TOGARAM1: variants seen among roughly 807,000 people sequenced by gnomAD.
TOGARAM1 encodes TOG array regulator of axonemal microtubules protein 1.
In TOGARAM1, 100 loss-of-function variants were observed where a neutral mutation model predicts 166.6. The observed-to-expected ratio is 0.60, with a 90% CI of 0.51 to 0.71. The LOEUF is 0.71. TOGARAM1 is among the 30% of genes least tolerant of loss of function. The probability of loss-of-function intolerance (pLI) is 0.00; values close to 1 mark genes in which losing one functional copy is unlikely to be tolerated. For missense variants in TOGARAM1, 2,029 were observed against 2,102.7 expected, an observed-to-expected ratio of 0.96 and a Z score of 0.69; for synonymous variants, 758 against 763.8, an observed-to-expected ratio of 0.99 and a Z score of 0.13.
chr14:45,009,295 A>C (rs935326054), intron 6 of TOGARAM1, 150 bp downstream of exon 6: 1 of 690,866 alleles, frequency 1.4e-6, no homozygotes, highest in Non-Finnish European at 2.3e-6. Context: ...ATGTTTACAG[A>C]TATTACCTTG....
At chr14:45,062,879 T>C (rs1882960503) in intron 16 of TOGARAM1, among the ~76,000 whole-genome samples, 1 of 152,188 alleles carries the variant, frequency 6.6e-6, no homozygotes, top group Non-Finnish European at 1.5e-5. Flanking sequence ...AGTATATTCA[T>C]TGAGTTGTGT....
chr14:45,052,118 A>G (rs1009218769), intron 14 of TOGARAM1, among the ~76,000 whole-genome samples: 3 of 152,210 alleles, frequency 2.0e-5, no homozygotes, highest in Admixed American at 1.3e-4. Flanking sequence ...CAGCATCTTA[A>G]AAGAGTGTCA....
intron 1 of TOGARAM1, among the ~76,000 whole-genome samples, chr14:44,989,695 C>G (rs368435169): frequency 1.3e-5 from 2 of 152,212 alleles, no homozygotes; most frequent in Admixed American, 1.3e-4. Flanking sequence ...TAGCCTCTGC[C>G]TGTTACCCAG....
At chr14:44,977,328 G>A (rs571575210) in intron 1 of TOGARAM1, among the ~76,000 whole-genome samples, 1 of 147,642 alleles carries the variant, frequency 6.8e-6, no homozygotes, top group Non-Finnish European at 1.5e-5. Flanking sequence ...TCCACCTTCC[G>A]GGTTCACGCC....
Position 45,048,209 on chromosome 14 carries a change from G to A in TOGARAM1, c.4313+1506G>A, listed in dbSNP as rs535252055. ...TCTACTAAAAATACAAAAATTAGCC[G>A]GGCATGGCGGCATGCGCCTGTAGTT... On this transcript the variant is annotated intron_variant, in intron 14 of 19. Coordinates refer to ENST00000361462, the MANE Select transcript of TOGARAM1 (RefSeq NM_001308120.2). Among the ~76,000 whole-genome samples the A allele has an allele frequency of 9.3e-5, 14 of 151,116 alleles. 1 individual carries two copies. The East Asian group carries it at 1.8e-3, about 19-fold the overall frequency.
Position 45,045,625 on chromosome 14 carries a change from A to ATG in TOGARAM1, c.4154+757_4154+758dup, listed in dbSNP as rs1566660788. On this transcript the variant is annotated intron_variant, in intron 13 of 19. Transcript: ENST00000361462. ...TGTGTGTGTGTGTGTGTGTATATATATGTATATATATACATATATATACAT... is the reference window on the plus strand; with the variant it reads ...TGTGTGTGTGTGTGTGTGTATATATATGTGTATATATATACATATATATACAT... 3.5e-5 allele frequency among the ~76,000 whole-genome samples: 4 copies of ATG among 113,546 alleles called. 1 individual carries two copies. Among genetic ancestry groups the ATG allele is most frequent in the African/African-American group, 1.3e-4 (4 of 31,094 alleles). 74.5% of individuals were successfully genotyped at this position (113,546 alleles called of 152,430 possible).
chr14:44,988,473 T>C lies in TOGARAM1; in HGVS notation c.2047-7273T>C, dbSNP rs182176979. On this transcript the variant is annotated intron_variant, in intron 1 of 19. Transcript: ENST00000361462. ...ACAAATTTTTCTCTTTTTTATAACA[T>C]AGATAATCTAATTTTGATTAACCAG... Among the ~76,000 whole-genome samples, 4 of 152,316 alleles carry C rather than the reference T, an allele frequency of 2.6e-5. No individual in the cohort carries two copies. The East Asian group carries it at 7.7e-4, about 29-fold the overall frequency.
chr14:45,065,792 TG>T (rs1324542529), intron 16 of TOGARAM1, among the ~76,000 whole-genome samples: 4 of 152,038 alleles, frequency 2.6e-5, no homozygotes, highest in African/African-American at 9.7e-5. Context: ...CTCATAAGAG[TG>T]GTTCACTTAA....
chr14:45,034,157 A>C (rs951938970), intron 11 of TOGARAM1, among the ~76,000 whole-genome samples: 2 of 152,182 alleles, frequency 1.3e-5, no homozygotes, highest in Non-Finnish European at 1.5e-5. Flanking sequence ...ACTCCATCTC[A>C]AAAACAAAGA....
intron 1 of TOGARAM1, among the ~76,000 whole-genome samples, chr14:44,966,421 T>C (rs988027106): frequency 1.3e-5 from 2 of 151,938 alleles, no homozygotes; most frequent in Non-Finnish European, 2.9e-5. Flanking sequence ...TGCAGTGAGC[T>C]GAGATCACAC....
At position 44,963,156 on chromosome 14, in the gene TOGARAM1, G is replaced by C; in HGVS notation, c.735G>C (p.Glu245Asp). ...ALLLPILLTT[E>D]DLLLGLDLTE... ...TGCTTCCCATCTTGCTTACTACTGA[G>C]GACTTGTTGCTTGGTCTGGATCTCA... Residue 245 changes from glutamate (E) to aspartate (D), a missense_variant, in exon 1 of 20, where the codon GAG becomes GAC. Glu to Asp is a conservative substitution (Grantham distance 45). Transcript: ENST00000361462. 1 of 1,614,184 alleles carries C rather than the reference G, an allele frequency of 6.2e-7. No homozygotes were observed. Among genetic ancestry groups the C allele is most frequent in the Non-Finnish European group, 8.5e-7 (1 of 1,180,040 alleles).
chr14:45,066,855 C>T, intron 17 of TOGARAM1, 88 bp downstream of exon 17: 2 of 1,107,052 alleles, frequency 1.8e-6, no homozygotes, highest in Non-Finnish European at 2.5e-6. Context: ...GTAGAAGGAT[C>T]TCTTGAGGCT....
In TOGARAM1 at chr14:45,073,287, A is replaced by C. The variant is rs200637569; in HGVS notation, c.5057-9A>C. ...AAAAAACCCTGTTTTTTATATTTTT[A>C]TGTTTCAGATATTGTTACGGAACTT... is the stretch of plus-strand genomic sequence containing the variant. On this transcript the variant is annotated splice_polypyrimidine_tract_variant and intron_variant, in intron 19 of 19. Coordinates refer to ENST00000361462, the MANE Select transcript of TOGARAM1 (RefSeq NM_001308120.2). 2.8e-5 allele frequency: 45 copies of C among 1,597,624 alleles called. No individual in the cohort carries two copies. In the South Asian group the frequency reaches 5.0e-4, roughly 18 times the overall value.
At chr14:45,046,192 G>A (rs1300790296) in intron 13 of TOGARAM1, among the ~76,000 whole-genome samples, 3 of 152,094 alleles carry the variant, frequency 2.0e-5, no homozygotes, top group African/African-American at 7.2e-5. Flanking sequence ...CCAGCACTTT[G>A]GGAGGCCAAG....
chr14:45,060,391 T>G (rs1405530983), intron 16 of TOGARAM1, among the ~76,000 whole-genome samples: 1 of 151,976 alleles, frequency 6.6e-6, no homozygotes, highest in African/African-American at 2.4e-5. Context: ...AATTTTTGTA[T>G]TTTTAGTAGA....
At chr14:45,033,489 TA>T (rs1881275683) in intron 11 of TOGARAM1, among the ~76,000 whole-genome samples, 1 of 152,192 alleles carries the variant, frequency 6.6e-6, no homozygotes, top group Non-Finnish European at 1.5e-5. Flanking sequence ...TGTGTTTCTA[TA>T]AAACTTTACT....
chr14:45,020,571 C>T (rs543521320), intron 7 of TOGARAM1, among the ~76,000 whole-genome samples: 42 of 152,064 alleles, frequency 2.8e-4, no homozygotes, highest in Non-Finnish European at 5.1e-4. Flanking sequence ...GGCTTAGGTA[C>T]GACATAATTG....
intron 11 of TOGARAM1, among the ~76,000 whole-genome samples, chr14:45,036,976 C>T (rs1407442022): frequency 1.3e-5 from 2 of 152,122 alleles, no homozygotes; most frequent in East Asian, 1.9e-4. Flanking sequence ...GAAGCAAAAG[C>T]GGAAACCCCT....
intron 14 of TOGARAM1, 52 bp downstream of exon 14, chr14:45,046,755 T>G (rs1213094363): frequency 8.2e-7 from 1 of 1,225,826 alleles, no homozygotes; most frequent in Non-Finnish European, 1.0e-6. Context: ...GGCTTAAAAG[T>G]AGGAAAAGAA....
Sources: gnomAD v4.1 joint callset for allele counts (sites outside exome capture counted in the v4.1 genomes callset) on GRCh38, gnomAD v4.1.1 for gene constraint, MANE v1.5 for transcripts, NCBI Gene and HGNC (gene_info 2026-07-23, HGNC 2026-07-21) for gene names.